Variants in THOC5 observed in about 807,000 individuals in gnomAD.
THOC5 encodes the protein Fms-interacting protein.
In THOC5, 43 loss-of-function variants were observed where a neutral mutation model predicts 92.9. The observed-to-expected ratio is 0.46, with a 90% CI of 0.36 to 0.60. The LOEUF is 0.60. THOC5 is among the 20% of genes least tolerant of loss of function. The pLI is 0.00. For missense variants in THOC5, 659 were observed against 849.4 expected (o/e 0.78, Z 2.79); for synonymous variants, 296 against 320.1 (o/e 0.92, Z 0.80).
intron 9 of THOC5, 123 bp downstream of exon 9, chr22:29,529,039 C>T (rs566027448): frequency 4.5e-5 from 43 of 960,910 alleles, no homozygotes; most frequent in East Asian, 3.8e-4. Flanking sequence ...CTCCAGGGTG[C>T]TAAGACATTC....
At position 29,549,099 on chromosome 22, in the gene THOC5, C is replaced by T. The variant is rs142300226; in HGVS notation, c.49G>A (p.Asp17Asn). ...KKRKPKVIRS[D>N]GAPAEGKRNR... Reference sequence around the variant, plus strand: ...CGCTTTCCTTCAGCTGGGGCTCCATCGCTTCGGATCACTTTGGGCTTCCGT... The same window carrying T: ...CGCTTTCCTTCAGCTGGGGCTCCATTGCTTCGGATCACTTTGGGCTTCCGT... The change falls in exon 2 of 20, where the codon GAT becomes AAT. Residue 17 changes from aspartate (D) to asparagine (N), a missense_variant. By Grantham distance (23) the Asp-to-Asn change is conservative. Transcript: ENST00000490103. 5.0e-6 allele frequency: 8 copies of T among 1,614,042 alleles called. No individual in the cohort carries two copies. Among genetic ancestry groups the T allele is most frequent in the African/African-American group, 2.7e-5 (2 of 74,922 alleles).
At chr22:29,540,620 T>C (rs2063861811) in intron 5 of THOC5, among the ~76,000 whole-genome samples, 1 of 152,228 alleles carries the variant, frequency 6.6e-6, no homozygotes, top group Non-Finnish European at 1.5e-5. Context: ...TTTGTCAGTT[T>C]CCATTTGGGT....
chr22:29,520,443 A>G (rs1023523444), intron 13 of THOC5, among the ~76,000 whole-genome samples: 9 of 152,140 alleles, frequency 5.9e-5, no homozygotes, highest in African/African-American at 1.2e-4. Flanking sequence ...AATGTCAAAC[A>G]TTTTTATTGT....
intron 1 of THOC5, among the ~76,000 whole-genome samples, chr22:29,552,400 C>A (rs457409): frequency 6.6e-6 from 1 of 151,684 alleles, no homozygotes; most frequent in Non-Finnish European, 1.5e-5. Context: ...CCCCGCCGCC[C>A]CGTCTGGGAT....
intron 3 of THOC5, among the ~76,000 whole-genome samples, chr22:29,544,096 G>A (rs574765378): frequency 1.3e-5 from 2 of 152,160 alleles, no homozygotes; most frequent in East Asian, 1.9e-4. Flanking sequence ...TACTATTAAT[G>A]ATAATTTCAT....
chr22:29,544,480 T>C lies in THOC5; in HGVS notation c.220A>G (p.Ser74Gly), dbSNP rs145337041. The change falls in exon 3 of 20, where the codon AGC (serine) becomes GGC (glycine). Residue 74 changes from serine (S) to glycine (G), a missense_variant. Coordinates refer to ENST00000490103, the MANE Select transcript of THOC5 (RefSeq NM_003678.5). The part of the protein sequence containing the change: ...RLMAEIQDLK[S>G]RGGKDVAIEI... The stretch of plus-strand genomic sequence containing the variant: ...CTTACCACATCCTTGCCACCCCTGC[T>C]CTTCAGGTCTTGGATCTCAGCCATC... The C allele has an allele frequency of 4.3e-6, 7 of 1,613,800 alleles. No individual in the cohort carries two copies. Among genetic ancestry groups the C allele is most frequent in the Non-Finnish European group, 5.9e-6 (7 of 1,179,938 alleles).
At chr22:29,529,894 C>A (rs569328206) in intron 8 of THOC5, among the ~76,000 whole-genome samples, 7 of 152,180 alleles carry the variant, frequency 4.6e-5, no homozygotes, top group African/African-American at 9.7e-5. Flanking sequence ...GTAATCTCAG[C>A]ACTTTGGGAG....
At chr22:29,550,020 T>G (rs2064109660) in intron 1 of THOC5, among the ~76,000 whole-genome samples, 1 of 152,122 alleles carries the variant, frequency 6.6e-6, no homozygotes. Context: ...AGCTCTACCC[T>G]CTTCCCCCTG....
At position 29,508,132 on chromosome 22, in the gene THOC5, C is replaced by G; in HGVS notation, c.*325G>C. The G allele has an allele frequency of 3.5e-6, 1 of 283,640 alleles. No homozygotes were observed. Among genetic ancestry groups the G allele is most frequent in the Non-Finnish European group, 6.6e-6 (1 of 151,080 alleles). The allele number at this position is 283,640 out of a possible 1,614,324, so 17.6% of individuals were successfully genotyped here. A position where few individuals can be genotyped will look rare whatever the true frequency, so the allele number is the denominator to read the frequency against. Reference sequence around the variant, plus strand: ...ATACAAGATCATGAGGACCTCACCCCGCAAAGCACAAATAGGGTGTGCGTA... The same window carrying G: ...ATACAAGATCATGAGGACCTCACCCGGCAAAGCACAAATAGGGTGTGCGTA... On this transcript the variant is annotated 3_prime_UTR_variant, in exon 20 of 20. Coordinates refer to ENST00000490103, the MANE Select transcript of THOC5 (RefSeq NM_003678.5).
chr22:29,540,133 G>A lies in THOC5; in HGVS notation c.453-657C>T, dbSNP rs148777619. On this transcript the variant is annotated intron_variant, in intron 5 of 19. Transcript: ENST00000490103. ...CGTCTCTACTAAAAATTAGCTGGGC[G>A]TGGTGACGCATGCCTGTAATCCCAG... Among the ~76,000 whole-genome samples, 491 of 152,220 alleles carry A rather than the reference G, an allele frequency of 3.2e-3. 2 individuals are homozygous for A. Among genetic ancestry groups the A allele is most frequent in the Non-Finnish European group, 6.1e-3 (414 of 68,010 alleles).
rs1334841269 is a variant in THOC5 at position 29,536,687 on chromosome 22, C to T, written c.651G>A (p.Lys217=). 6.2e-7 allele frequency: 1 copy of T among 1,613,998 alleles called. No homozygotes were observed. Among genetic ancestry groups the T allele is most frequent in the Non-Finnish European group, 8.5e-7 (1 of 1,179,850 alleles). The part of the protein sequence containing the change: ...ECLSNKEKIL[K]EIEVKKEYLS... ...GGTACTCCTTCTTCACCTCAATCTC[C>T]TTGAGAATCTTCTCCTTGTTAGATA... The change falls in exon 7 of 20, where the codon AAG becomes AAA. Residue 217 remains lysine (K), a synonymous_variant. Transcript: ENST00000490103.
chr22:29,536,413 C>A, intron 7 of THOC5: 1 of 508,780 alleles, frequency 2.0e-6, no homozygotes, highest in Non-Finnish European at 3.5e-6. Context: ...ATGAAAACAC[C>A]CAGGTCAATG....
intron 11 of THOC5, 23 bp from the exon 12 acceptor site, chr22:29,525,969 A>G: frequency 6.5e-7 from 1 of 1,543,470 alleles, no homozygotes; most frequent in Non-Finnish European, 8.9e-7. Flanking sequence ...AAGATGAGAG[A>G]ATTTATGAGT....
intron 9 of THOC5, 64 bp downstream of exon 9, chr22:29,529,098 A>C: frequency 6.5e-7 from 1 of 1,526,782 alleles, no homozygotes; most frequent in Admixed American, 1.7e-5. Flanking sequence ...TTCTCCAAAG[A>C]CCAGGACTGC....
chr22:29,524,005 C>T (rs895322784), intron 12 of THOC5, among the ~76,000 whole-genome samples: 1 of 152,146 alleles, frequency 6.6e-6, no homozygotes, highest in African/African-American at 2.4e-5. Flanking sequence ...TCCAGTGCTG[C>T]GATAATTGGT....
intron 12 of THOC5, among the ~76,000 whole-genome samples, chr22:29,521,990 G>A (rs951255678): frequency 2.0e-5 from 3 of 152,184 alleles, no homozygotes; most frequent in East Asian, 3.9e-4. Context: ...GTCTCACTGA[G>A]TATCCCTGTT....
In THOC5 at chr22:29,531,845, T is replaced by C. The variant is rs758152713; in HGVS notation, c.833A>G (p.Tyr278Cys). The change falls in exon 8 of 20, where the codon TAT (tyrosine) becomes TGT (cysteine). Residue 278 changes from tyrosine (Y) to cysteine (C), a missense_variant. Tyr to Cys is a radical substitution (Grantham distance 194). Coordinates refer to ENST00000490103, the MANE Select transcript of THOC5 (RefSeq NM_003678.5). The part of the protein sequence containing the change: ...LYVLFVQATA[Y>C]GQACDKTLSV... ...CCCATACTCACCACAGGCCTGCCCA[T>C]ACGCAGTGGCCTGAACAAAGAGGAC... is the stretch of plus-strand genomic sequence containing the variant. The C allele has an allele frequency of 6.8e-6, 11 of 1,614,056 alleles. No individual in the cohort carries two copies. The highest frequency in any genetic ancestry group is 1.1e-5 in the South Asian group (1 of 91,082).
chr22:29,530,956 G>T, intron 8 of THOC5: 1 of 781,268 alleles, frequency 1.3e-6, no homozygotes, highest in Non-Finnish European at 1.6e-6. Context: ...GCAACTAGTT[G>T]CTCCCATCAA....
chr22:29,521,897 G>A (rs766773161), intron 12 of THOC5, among the ~76,000 whole-genome samples: 30 of 152,172 alleles, frequency 2.0e-4, no homozygotes, highest in South Asian at 4.2e-4. Context: ...TGGGCAGCAC[G>A]TGCCGGTCCT....
Sources: allele counts gnomAD v4.1 joint callset (sites outside exome capture counted in the v4.1 genomes callset), GRCh38; gene constraint gnomAD v4.1.1; transcripts MANE v1.5; gene names NCBI Gene and HGNC (gene_info 2026-07-23, HGNC 2026-07-21).